Variants in PTCH1 observed in about 807,000 individuals in gnomAD.
PTCH1 encodes patched 1, also known as protein patched homolog 1.
In PTCH1, 14 loss-of-function variants were observed where a neutral mutation model predicts 144.6. That is an observed-to-expected ratio of 0.10 (90% CI 0.06 to 0.15). The LOEUF (loss-of-function observed/expected upper bound fraction) is 0.15, where lower values mean the gene tolerates loss of function less well. Ranked by LOEUF, PTCH1 falls within the 10% of genes least tolerant of loss-of-function variation. The probability of loss-of-function intolerance (pLI) is 1.00; values close to 1 mark genes in which losing one functional copy is unlikely to be tolerated. For synonymous variants in PTCH1, 833 were observed against 793.6 expected, an observed-to-expected ratio of 1.05 and a Z score of -0.83; for missense variants, 1,623 against 1,948.3, an observed-to-expected ratio of 0.83 and a Z score of 3.14.
intron 2 of PTCH1, among the ~76,000 whole-genome samples, chr9:95,486,558 A>C (rs1259071786): frequency 1.3e-5 from 2 of 152,260 alleles, no homozygotes; most frequent in Non-Finnish European, 2.9e-5. Flanking sequence ...GGGGGTGAGC[A>C]GCCTGTTTTC....
intron 1 of PTCH1, chr9:95,507,428 A>G: frequency 1.0e-6 from 1 of 985,388 alleles, no homozygotes; most frequent in Non-Finnish European, 1.2e-6. Flanking sequence ...CCTGGATTCC[A>G]CACATTTCAG....
intron 2 of PTCH1, among the ~76,000 whole-genome samples, chr9:95,489,960 CT>C (rs1300572270): frequency 2.6e-5 from 4 of 151,308 alleles, no homozygotes; most frequent in African/African-American, 9.7e-5. Context: ...GCCACCAGGC[CT>C]GGCTAATTTT....
chr9:95,468,206 A>G (rs1283578954), intron 14 of PTCH1, among the ~76,000 whole-genome samples: 1 of 152,218 alleles, frequency 6.6e-6, no homozygotes, highest in African/African-American at 2.4e-5. Context: ...AGCTGGGACT[A>G]TAGGCACATC....
intron 1 of PTCH1, chr9:95,507,003 A>C: frequency 1.0e-6 from 1 of 995,532 alleles, no homozygotes; most frequent in Non-Finnish European, 1.2e-6. Flanking sequence ...GAGCCAGCAA[A>C]CCAGTCCTGC....
intron 23 of PTCH1, 125 bp downstream of exon 23, chr9:95,446,786 G>T: frequency 7.9e-7 from 1 of 1,273,414 alleles, no homozygotes; most frequent in Non-Finnish European, 1.1e-6. Context: ...AAAGGTCACT[G>T]GGGTCCAGCG....
rs62637629 is a variant in PTCH1 at position 95,468,951 on chromosome 9, C to T, written c.2050G>A (p.Glu684Lys). ...ACGGTGACGGGCTGCACAGAGATCT[C>T]GGAGCGCGGCTCAGCGGTGGTGTAG... ...VYYTTAEPRS[E>K]ISVQPVTVTQ... Residue 684 changes from glutamate to lysine, a missense_variant, in exon 14 of 24, where the codon GAG becomes AAG. Glu to Lys is a moderately conservative substitution (Grantham distance 56, BLOSUM62 1). Around this residue, in one of 7 missense-constraint regions of PTCH1, gnomAD observed 179 missense variants for 165.7 expected, o/e 1.08. Coordinates refer to ENST00000331920, the MANE Select transcript of PTCH1 (RefSeq NM_000264.5). The T allele has an allele frequency of 1.2e-4, 193 of 1,614,052 alleles. No individual in the cohort carries two copies. The African/African-American group carries it at 2.3e-3, about 19-fold the overall frequency.
At chr9:95,472,292 C>A (rs1195438141) in intron 12 of PTCH1, among the ~76,000 whole-genome samples, 1 of 152,184 alleles carries the variant, frequency 6.6e-6, no homozygotes, top group African/African-American at 2.4e-5. Context: ...GGTCAAGTCA[C>A]CTGCCTGAGG....
intron 15 of PTCH1, among the ~76,000 whole-genome samples, chr9:95,463,227 G>A (rs1237645915): frequency 6.6e-6 from 1 of 152,124 alleles, no homozygotes; most frequent in East Asian, 1.9e-4. Flanking sequence ...GGTCTGAAGT[G>A]TGGGGAGGGA....
intron 23 of PTCH1, 162 bp from the exon 24 acceptor site, chr9:95,446,553 A>G: frequency 2.3e-6 from 1 of 439,806 alleles, no homozygotes; most frequent in Non-Finnish European, 4.4e-6. Context: ...CTCTCCCTTC[A>G]TCTGGGGGCT....
At chr9:95,448,917 T>A in intron 22 of PTCH1, 152 bp downstream of exon 22, 1 of 1,111,016 alleles carries the variant, frequency 9.0e-7, no homozygotes, top group Non-Finnish European at 1.3e-6. Flanking sequence ...AAATACTGGT[T>A]ATTTCCTATG....
At chr9:95,472,382 G>A (rs1840663409) in intron 12 of PTCH1, among the ~76,000 whole-genome samples, 1 of 152,190 alleles carries the variant, frequency 6.6e-6, no homozygotes, top group African/African-American at 2.4e-5. Context: ...TGTGAGATCT[G>A]GTCCCTTACT....
chr9:95,454,116 T>C (rs1457329320), intron 19 of PTCH1, among the ~76,000 whole-genome samples: 1 of 152,228 alleles, frequency 6.6e-6, no homozygotes, highest in Non-Finnish European at 1.5e-5. Context: ...ATCTAAGCAC[T>C]ATGAGTGTAT....
chr9:95,469,076 G>C lies in PTCH1; in HGVS notation c.1925C>G (p.Pro642Arg), dbSNP rs762371629. ...DTHDNTRYSP[P>R]PPYSSHSFAH... ...AAAGCTGTGGCTGCTGTAGGGAGGT[G>C]GGGGGCTGTAGCGGGTATTGTCGTG... Residue 642 changes from proline to arginine, a missense_variant, in exon 14 of 24, where the codon CCA becomes CGA. Pro to Arg is a moderately radical substitution (Grantham distance 103, BLOSUM62 -2). Transcript: ENST00000331920. 5 of 1,614,078 alleles carry C rather than the reference G, an allele frequency of 3.1e-6. No homozygotes were observed. The highest frequency in any genetic ancestry group is 4.2e-6 in the Non-Finnish European group (5 of 1,180,014).
At chr9:95,447,823 C>A (rs1838098127) in intron 22 of PTCH1, among the ~76,000 whole-genome samples, 1 of 152,232 alleles carries the variant, frequency 6.6e-6, no homozygotes, top group South Asian at 2.1e-4. Context: ...GTGTGCGGCC[C>A]TGGCTGGCCT....
Position 95,508,297 on chromosome 9 carries a change from C to T in PTCH1, c.65G>A (p.Gly22Asp), listed in dbSNP as rs575700967. The change falls in exon 1 of 24, where the codon GGT becomes GAT. Residue 22 changes from glycine (G) to aspartate (D), a missense_variant. Around this residue, in one of 7 missense-constraint regions of PTCH1, gnomAD observed 245 missense variants for 240.6 expected, o/e 1.02. Transcript: ENST00000331920. ...DRGGGGSGCI[G>D]APGRPAGGGR... Reference sequence around the variant, plus strand: ...GCCTCCAGCCGGCCGTCCCGGGGCACCGATACAGCCGCTGCCGCCGCCGCC... The same window carrying T: ...GCCTCCAGCCGGCCGTCCCGGGGCATCGATACAGCCGCTGCCGCCGCCGCC... 2 of 1,451,956 alleles carry T rather than the reference C, an allele frequency of 1.4e-6. No homozygotes were observed. Among genetic ancestry groups the T allele is most frequent in the South Asian group, 1.4e-5 (1 of 70,154 alleles). 89.9% of individuals were successfully genotyped at this position (1,451,956 alleles called of 1,614,324 possible).
chr9:95,456,425 C>T lies in PTCH1; in HGVS notation c.3169-12G>A, dbSNP rs371887033. 113 of 1,613,424 alleles carry T rather than the reference C, an allele frequency of 7.0e-5. No individual in the cohort carries two copies. The African/African-American group carries it at 1.4e-3, about 20-fold the overall frequency. The stretch of plus-strand genomic sequence containing the variant: ...GCCAGGACCATCACCTGGAGCAGGG[C>T]ACACAGTGGTCAGTGGGCGGGCAGG... On this transcript the variant is annotated splice_polypyrimidine_tract_variant and intron_variant, in intron 18 of 23. Transcript: ENST00000331920.
Position 95,458,423 on chromosome 9 carries a change from T to A in PTCH1, c.2888-130A>T, listed in dbSNP as rs1839161981. ...TCTACATGATACAAAGAACAAACAA[T>A]GCTGATCATAGCCTCCAGGCCTTTA... On this transcript the variant is annotated intron_variant, in intron 17 of 23. Transcript: ENST00000331920. The surrounding 1 kb of genome is among the most constrained non-coding windows in gnomAD (Gnocchi z 4.7). The A allele has an allele frequency of 2.5e-6, 3 of 1,213,954 alleles. No homozygotes were observed. The highest frequency in any genetic ancestry group is 2.4e-6 in the Non-Finnish European group (2 of 845,134). The allele number at this position is 1,213,954 out of a possible 1,614,324, so 75.2% of individuals were successfully genotyped here.
At chr9:95,446,610 C>T (rs1200563068) in intron 23 of PTCH1, 3 of 512,706 alleles carry the variant, frequency 5.9e-6, no homozygotes, top group African/African-American at 5.8e-5. Flanking sequence ...GTGGCATGCA[C>T]CTCCATAAAG....
chr9:95,469,214 C>G (rs2118068839), intron 13 of PTCH1, 61 bp from the exon 14 acceptor site: 2 of 1,603,302 alleles, frequency 1.2e-6, no homozygotes, highest in Non-Finnish European at 1.7e-6. Flanking sequence ...TGCTTTCATT[C>G]TGCCATTTTT....
Sources: gnomAD v4.1 joint callset for allele counts (sites outside exome capture counted in the v4.1 genomes callset) on GRCh38, gnomAD v4.1.1 for gene constraint, gnomAD v4.1.1 regional missense constraint, Gnocchi (gnomAD v3.1) non-coding constraint, MANE v1.5 for transcripts, NCBI Gene and HGNC (gene_info 2026-07-23, HGNC 2026-07-21) for gene names.